FGGY: variants seen among roughly 807,000 people sequenced by gnomAD.
The protein encoded by FGGY is FGGY carbohydrate kinase domain containing.
A neutral mutation model predicts 71.3 loss-of-function variants in FGGY; 72 were observed. The ratio of observed to expected loss-of-function variants is 1.01; its 90% CI spans 0.84 to 1.23. The LOEUF is 1.23. Among genes scored for constraint, FGGY ranks in the 50% most tolerant of loss-of-function variants. FGGY has a pLI of 0.00. For synonymous variants in FGGY, 251 were observed against 250.3 expected, an observed-to-expected ratio of 1.00 and a Z score of -0.02; for missense variants, 668 against 682.3, an observed-to-expected ratio of 0.98 and a Z score of 0.23.
chr1:59,657,148 C>G (rs1029291723), intron 11 of FGGY, among the ~76,000 whole-genome samples: 1 of 152,190 alleles, frequency 6.6e-6, no homozygotes, highest in Non-Finnish European at 1.5e-5. Context: ...GAACCCATTA[C>G]ATTATCAGTA....
intron 3 of FGGY, 90 bp from the exon 4 acceptor site, chr1:59,346,157 G>C (rs1557621878): frequency 6.7e-7 from 1 of 1,490,122 alleles, no homozygotes; most frequent in African/African-American, 1.4e-5. Context: ...AAAGTACATA[G>C]CATTTTGATC....
chr1:59,667,186 T>C (rs1194577871), intron 12 of FGGY, 97 bp from the exon 13 acceptor site: 21 of 1,437,098 alleles, frequency 1.5e-5, no homozygotes, highest in Non-Finnish European at 2.0e-5. Flanking sequence ...ATGTAGAGCT[T>C]AGTACAGTGT....
intron 14 of FGGY, among the ~76,000 whole-genome samples, chr1:59,744,087 A>G (rs555073841): frequency 6.6e-6 from 1 of 152,312 alleles, no homozygotes; most frequent in Admixed American, 6.5e-5. Flanking sequence ...CATTTTTGAA[A>G]CTATTAGTTT....
intron 14 of FGGY, among the ~76,000 whole-genome samples, chr1:59,735,164 C>T (rs1326838124): frequency 1.3e-5 from 2 of 152,160 alleles, no homozygotes; most frequent in African/African-American, 4.8e-5. Flanking sequence ...CACACACATA[C>T]GCACACAAAA....
intron 12 of FGGY, among the ~76,000 whole-genome samples, chr1:59,661,638 T>G (rs540022275): frequency 3.9e-5 from 6 of 152,356 alleles, no homozygotes; most frequent in Admixed American, 3.9e-4. Context: ...TTAGCTGTCC[T>G]GTTTTATAAT....
At chr1:59,307,246 C>T (rs1420420325) in intron 1 of FGGY, among the ~76,000 whole-genome samples, 6 of 143,458 alleles carry the variant, frequency 4.2e-5, no homozygotes, top group Non-Finnish European at 7.4e-5. Context: ...CCCAGGAGGT[C>T]GAGGCCACAA....
chr1:59,757,892 T>C lies in FGGY; in HGVS notation c.1513-39T>C, dbSNP rs761420562. On this transcript the variant is annotated intron_variant, in intron 14 of 15. Transcript: ENST00000303721. ...TGACAAGCCTCGCTTTGGATTTCGC[T>C]TTCCAACTCAGCTGTCTATGTTGTT... 3.3e-6 allele frequency: 5 copies of C among 1,531,360 alleles called. No homozygotes were observed. The South Asian group carries it at 5.8e-5, about 18-fold the overall frequency. 94.9% of individuals were successfully genotyped at this position (1,531,360 alleles called of 1,614,324 possible).
intron 7 of FGGY, among the ~76,000 whole-genome samples, chr1:59,513,056 GT>G (rs1203235696): frequency 2.6e-5 from 4 of 152,192 alleles, no homozygotes; most frequent in African/African-American, 9.7e-5. Flanking sequence ...AAGAATTACA[GT>G]AAAGAATGAT....
intron 4 of FGGY, among the ~76,000 whole-genome samples, chr1:59,347,583 G>A (rs1297571644): frequency 6.6e-6 from 1 of 152,082 alleles, no homozygotes; most frequent in South Asian, 2.1e-4. Context: ...CTTTATAGTA[G>A]CATGGTACTG....
intron 14 of FGGY, among the ~76,000 whole-genome samples, chr1:59,697,377 C>T (rs924207451): frequency 5.1e-4 from 77 of 152,156 alleles, no homozygotes; most frequent in Admixed American, 5.0e-3. Flanking sequence ...CCCCTAGCAA[C>T]CACCATTCTA....
At chr1:59,505,512 G>A (rs1174582936) in intron 6 of FGGY, among the ~76,000 whole-genome samples, 2 of 152,138 alleles carry the variant, frequency 1.3e-5, no homozygotes, top group South Asian at 2.1e-4. Context: ...GCAAAACTGA[G>A]CTGGGGGCTG....
intron 1 of FGGY, among the ~76,000 whole-genome samples, chr1:59,320,864 C>T (rs1204208886): frequency 1.3e-5 from 2 of 152,254 alleles, no homozygotes; most frequent in Admixed American, 1.3e-4. Context: ...TCCTTAACTT[C>T]TCATAGACTT....
At chr1:59,461,130 A>C (rs2092169619) in intron 6 of FGGY, among the ~76,000 whole-genome samples, 2 of 152,224 alleles carry the variant, frequency 1.3e-5, no homozygotes, top group Admixed American at 1.3e-4. Flanking sequence ...TCCGAGCTAA[A>C]GGAGGATATT....
At chr1:59,455,760 G>A (rs1398228682) in intron 5 of FGGY, among the ~76,000 whole-genome samples, 1 of 152,206 alleles carries the variant, frequency 6.6e-6, no homozygotes, top group Non-Finnish European at 1.5e-5. Context: ...CAGAAGAGGA[G>A]TGCCTAACCC....
intron 9 of FGGY, among the ~76,000 whole-genome samples, chr1:59,617,433 A>G (rs1451851590): frequency 1.3e-5 from 2 of 152,136 alleles, no homozygotes; most frequent in East Asian, 3.9e-4. Context: ...TCATCTGGTT[A>G]TCCTCAGAAT....
intron 14 of FGGY, among the ~76,000 whole-genome samples, chr1:59,719,707 G>C (rs1458758415): frequency 6.6e-6 from 1 of 152,142 alleles, no homozygotes; most frequent in Non-Finnish European, 1.5e-5. Context: ...AAAAAGAGCG[G>C]TGCATGTTAA....
chr1:59,565,592 T>C (rs1248199360), intron 8 of FGGY, among the ~76,000 whole-genome samples: 1 of 152,148 alleles, frequency 6.6e-6, no homozygotes, highest in Non-Finnish European at 1.5e-5. Context: ...CCGTAAGTCT[T>C]ACAGATAGGT....
chr1:59,602,926 G>GTAGTAA (rs953426458), intron 8 of FGGY, among the ~76,000 whole-genome samples: 1 of 152,158 alleles, frequency 6.6e-6, no homozygotes, highest in African/African-American at 2.4e-5. Context: ...ATTAGTAGTA[G>GTAGTAA]TAGTAATAGT....
intron 10 of FGGY, among the ~76,000 whole-genome samples, chr1:59,632,241 C>T (rs1208884576): frequency 6.6e-6 from 1 of 152,042 alleles, no homozygotes; most frequent in Non-Finnish European, 1.5e-5. Context: ...TGCATATATA[C>T]AGATATAGCC....
Sources: gnomAD v4.1 joint callset for allele counts (sites outside exome capture counted in the v4.1 genomes callset) on GRCh38, gnomAD v4.1.1 for gene constraint, MANE v1.5 for transcripts, NCBI Gene and HGNC (gene_info 2026-07-23, HGNC 2026-07-21) for gene names.